The following CEP128 variants were observed in gnomAD, a reference collection of about 807,000 sequenced individuals.
CEP128 encodes centrosomal protein 128kDa.
In CEP128, 132 loss-of-function variants were observed where a neutral mutation model predicts 156.7. That is an observed-to-expected ratio of 0.84 (90% confidence interval 0.73 to 0.97). The LOEUF (loss-of-function observed/expected upper bound fraction) is 0.97, where lower values mean the gene tolerates loss of function less well. Among genes scored for constraint, CEP128 ranks in the 50% least tolerant of loss-of-function variants. The pLI, the probability that CEP128 is intolerant of heterozygous loss-of-function variation, is 0.00. For missense variants in CEP128, 1,252 were observed against 1,281.9 expected, an observed-to-expected ratio of 0.98 and a Z score of 0.36; for synonymous variants, 469 against 448.9, an observed-to-expected ratio of 1.04 and a Z score of -0.57.
At position 80,676,295 on chromosome 14, in the gene CEP128, G is replaced by T. The variant is rs567886411; in HGVS notation, c.2806+66780C>A. ...CATCTTTTGGTAAATACCTTCCATGGTACTTTATCATGTTTTCCTTTCTGA... is the reference window on the plus strand; with the variant it reads ...CATCTTTTGGTAAATACCTTCCATGTTACTTTATCATGTTTTCCTTTCTGA... On this transcript the variant is annotated intron_variant, in intron 19 of 24. Coordinates refer to ENST00000555265, the MANE Select transcript of CEP128 (RefSeq NM_152446.5). 9.9e-5 allele frequency among the ~76,000 whole-genome samples: 15 copies of T among 151,920 alleles called. No individual in the cohort carries two copies. The South Asian group carries it at 3.1e-3, about 32-fold the overall frequency.
intron 13 of CEP128, among the ~76,000 whole-genome samples, chr14:80,819,537 C>T (rs2139989473): frequency 6.6e-6 from 1 of 152,252 alleles, no homozygotes; most frequent in Admixed American, 6.5e-5. Context: ...TGAGCCACTG[C>T]ACCCAGCCTC....
intron 20 of CEP128, among the ~76,000 whole-genome samples, chr14:80,562,290 T>C (rs1595007519): frequency 6.6e-6 from 1 of 152,116 alleles, no homozygotes; most frequent in East Asian, 1.9e-4. Flanking sequence ...ATAAAAAAAC[T>C]GTATGTCAAA....
chr14:80,594,054 C>T (rs979336206), intron 19 of CEP128, among the ~76,000 whole-genome samples: 24 of 152,162 alleles, frequency 1.6e-4, no homozygotes, highest in Admixed American at 1.3e-3. Flanking sequence ...AGGCATCACG[C>T]TACCTGACTT....
chr14:80,694,405 T>C (rs10133159), intron 19 of CEP128, among the ~76,000 whole-genome samples: 10,144 of 152,174 alleles, frequency 0.067, 1,118 homozygotes, highest in African/African-American at 0.23. Flanking sequence ...ATTGGGTATA[T>C]ACCCAAAGGA....
intron 20 of CEP128, among the ~76,000 whole-genome samples, chr14:80,562,281 TA>T (rs1183359035): frequency 1.3e-5 from 2 of 151,954 alleles, no homozygotes; most frequent in Admixed American, 6.6e-5. Flanking sequence ...CAGCTTTCAA[TA>T]AAAAAACTGT....
chr14:80,615,320 T>C (rs765534884), intron 19 of CEP128, among the ~76,000 whole-genome samples: 1 of 152,178 alleles, frequency 6.6e-6, no homozygotes. Context: ...GGGTCCACTA[T>C]GTGATATTAA....
At chr14:80,615,537 G>C (rs906601050) in intron 19 of CEP128, among the ~76,000 whole-genome samples, 1 of 152,142 alleles carries the variant, frequency 6.6e-6, no homozygotes, top group Non-Finnish European at 1.5e-5. Context: ...AATCCAGAGG[G>C]GGCAGGGAAA....
At chr14:80,521,164 A>G (rs1888730284) in intron 23 of CEP128, among the ~76,000 whole-genome samples, 3 of 151,984 alleles carry the variant, frequency 2.0e-5, no homozygotes, top group Admixed American at 2.0e-4. Flanking sequence ...TAAAGGAAAC[A>G]ATCATTGTTT....
chr14:80,884,063 C>T (rs1595544032), intron 8 of CEP128, among the ~76,000 whole-genome samples: 1 of 152,090 alleles, frequency 6.6e-6, no homozygotes, highest in Admixed American at 6.6e-5. Context: ...TTAACATATA[C>T]AAAAATCAAA....
chr14:80,507,146 G>GTATA (rs1247121048), intron 23 of CEP128, among the ~76,000 whole-genome samples: 1 of 151,822 alleles, frequency 6.6e-6, no homozygotes, highest in Non-Finnish European at 1.5e-5. Context: ...TATCATGCCT[G>GTATA]TATAGCCTGC....
intron 19 of CEP128, 138 bp downstream of exon 19, chr14:80,742,937 A>G: frequency 1.4e-6 from 1 of 708,186 alleles, no homozygotes. Context: ...AAGAAAGATA[A>G]GAAGACAAAG....
intron 13 of CEP128, among the ~76,000 whole-genome samples, chr14:80,820,651 T>G (rs996858299): frequency 2.0e-5 from 3 of 152,182 alleles, no homozygotes; most frequent in African/African-American, 7.2e-5. Context: ...AACAAAATAC[T>G]TGAACCCTCC....
At position 80,833,836 on chromosome 14, in the gene CEP128, T is replaced by C. The variant is rs1323283868; in HGVS notation, c.1057+2369A>G. On this transcript the variant is annotated intron_variant, in intron 12 of 24. Transcript: ENST00000555265. ...GTTGCAAATTCAGGAGATATCAGGA[T>C]GTATAAATAGGCATGAGGTAGAAAC... Among the ~76,000 whole-genome samples the C allele has an allele frequency of 2.0e-5, 3 of 152,234 alleles. No individual in the cohort carries two copies. The East Asian group carries it at 5.8e-4, about 29-fold the overall frequency.
intron 19 of CEP128, among the ~76,000 whole-genome samples, chr14:80,624,155 T>C (rs1490654992): frequency 6.6e-6 from 1 of 152,158 alleles, no homozygotes; most frequent in Non-Finnish European, 1.5e-5. Flanking sequence ...AGTTCTCACA[T>C]ATGAGTGAGA....
chr14:80,713,926 A>G (rs1897506780), intron 19 of CEP128, among the ~76,000 whole-genome samples: 1 of 152,200 alleles, frequency 6.6e-6, no homozygotes, highest in Admixed American at 6.5e-5. Context: ...ACTGGAGCCT[A>G]GCCATCCAAT....
chr14:80,667,958 C>CTGATAA (rs1382826878), intron 19 of CEP128, among the ~76,000 whole-genome samples: 1 of 151,508 alleles, frequency 6.6e-6, no homozygotes, highest in African/African-American at 2.4e-5. Flanking sequence ...GCCCAAAGTA[C>CTGATAA]TGATAATGAT....
chr14:80,681,195 AG>A, intron 19 of CEP128, among the ~76,000 whole-genome samples: 1 of 152,184 alleles, frequency 6.6e-6, no homozygotes, highest in East Asian at 1.9e-4. Flanking sequence ...CTAGCGAGGA[AG>A]GGAAAAGGTA....
At chr14:80,574,629 TTTATA>T (rs1454726413) in intron 20 of CEP128, among the ~76,000 whole-genome samples, 15 of 152,324 alleles carry the variant, frequency 9.8e-5, no homozygotes, top group East Asian at 1.9e-4. Flanking sequence ...ACTGGCATTC[TTTATA>T]TTATAACACC....
intron 13 of CEP128, among the ~76,000 whole-genome samples, chr14:80,816,025 CA>C (rs538286048): frequency 2.1e-5 from 3 of 144,006 alleles, no homozygotes; most frequent in Non-Finnish European, 4.6e-5. Context: ...GATGGCAACA[CA>C]AAAAAAAAAC....
Sources: gnomAD v4.1 joint callset for allele counts (sites outside exome capture counted in the v4.1 genomes callset) on GRCh38, gnomAD v4.1.1 for gene constraint, MANE v1.5 for transcripts, NCBI Gene and HGNC (gene_info 2026-07-23, HGNC 2026-07-21) for gene names.